The following C12orf54 variants were observed in gnomAD, a reference collection of about 807,000 sequenced individuals.
The protein encoded by C12orf54 is uncharacterized protein C12orf54.
Under a neutral mutation model 26.4 loss-of-function variants are expected in C12orf54, and 24 were observed. The ratio of observed to expected loss-of-function variants is 0.91; its 90% CI spans 0.66 to 1.28. The LOEUF is 1.28. Among genes scored for constraint, C12orf54 ranks in the 50% most tolerant of loss-of-function variants. C12orf54 has a pLI of 0.00. For missense variants in C12orf54, 154 were observed against 150.9 expected, an observed-to-expected ratio of 1.02 and a Z score of -0.11; for synonymous variants, 54 against 47.0, an observed-to-expected ratio of 1.15 and a Z score of -0.61.
At chr12:48,451,926 T>C in the C12orf54 span, among the ~76,000 whole-genome samples, 5 of 152,206 alleles carry the variant, frequency 3.3e-5, no homozygotes, top group Non-Finnish European at 7.3e-5. Flanking sequence ...AATTTATAGA[T>C]TCAATGCTAT....
chr12:48,457,287 G>GT, the C12orf54 span, among the ~76,000 whole-genome samples: 5 of 98,952 alleles, frequency 5.1e-5, no homozygotes, highest in African/African-American at 1.1e-4. Flanking sequence ...GTTGTTGTTG[G>GT]TGGTGGTGGT....
the C12orf54 span, among the ~76,000 whole-genome samples, chr12:48,445,720 C>A: frequency 6.6e-6 from 1 of 152,202 alleles, no homozygotes. Context: ...AACTACCCTG[C>A]AAAGTGGTGA....
chr12:48,454,088 T>C, the C12orf54 span, among the ~76,000 whole-genome samples: 2 of 116,142 alleles, frequency 1.7e-5, no homozygotes. Context: ...CTCTCTCTTT[T>C]TTTGTTTGTT....
At chr12:48,469,689 C>G in the C12orf54 span, among the ~76,000 whole-genome samples, 8 of 152,148 alleles carry the variant, frequency 5.3e-5, no homozygotes, top group Non-Finnish European at 1.0e-4. Context: ...ATGAAATCTT[C>G]ACAATTTATG....
the C12orf54 span, among the ~76,000 whole-genome samples, chr12:48,455,110 C>G: frequency 1.3e-5 from 2 of 152,170 alleles, no homozygotes; most frequent in African/African-American, 4.8e-5. Context: ...CCTCCAACCT[C>G]AAGTAGGCCC....
At chr12:48,487,003 GTGAT>G (rs1937662914) in intron 4 of C12orf54, among the ~76,000 whole-genome samples, 1 of 152,164 alleles carries the variant, frequency 6.6e-6, no homozygotes, top group African/African-American at 2.4e-5. Flanking sequence ...CCAATTCTCA[GTGAT>G]TGCTACAGAC....
chr12:48,441,187 A>G, the C12orf54 span, among the ~76,000 whole-genome samples: 1 of 152,266 alleles, frequency 6.6e-6, no homozygotes, highest in Non-Finnish European at 1.5e-5. Context: ...AACTCTTATT[A>G]TGATTCATGT....
the C12orf54 span, among the ~76,000 whole-genome samples, chr12:48,459,684 G>A: frequency 3.3e-5 from 5 of 152,180 alleles, no homozygotes; most frequent in African/African-American, 1.2e-4. Context: ...CGTAATTACA[G>A]TTGCAGTTTA....
the C12orf54 span, among the ~76,000 whole-genome samples, chr12:48,476,049 C>G: frequency 6.6e-6 from 1 of 151,912 alleles, no homozygotes; most frequent in Non-Finnish European, 1.5e-5. Flanking sequence ...GCTGATCTCT[C>G]GGCAGAAACT....
chr12:48,493,654 G>A (rs1184923327), intron 7 of C12orf54, among the ~76,000 whole-genome samples: 4 of 83,220 alleles, frequency 4.8e-5, no homozygotes, highest in South Asian at 6.2e-4. Context: ...AAAGGGATCC[G>A]GGACTTAGAA....
chr12:48,423,708 C>G, the C12orf54 span, among the ~76,000 whole-genome samples: 1 of 152,150 alleles, frequency 6.6e-6, no homozygotes, highest in African/African-American at 2.4e-5. Flanking sequence ...ATATCTTGTA[C>G]TTTGTACCTT....
the C12orf54 span, among the ~76,000 whole-genome samples, chr12:48,465,351 A>C: frequency 1.3e-5 from 2 of 152,220 alleles, no homozygotes; most frequent in Admixed American, 6.5e-5. Flanking sequence ...TGTGAATAAA[A>C]AGCACAATGA....
chr12:48,424,449 A>G, the C12orf54 span, among the ~76,000 whole-genome samples: 2 of 152,132 alleles, frequency 1.3e-5, no homozygotes, highest in African/African-American at 4.8e-5. Flanking sequence ...AATTCACCAC[A>G]AGGCCATCCG....
chr12:48,474,796 C>A, the C12orf54 span, among the ~76,000 whole-genome samples: 1 of 152,278 alleles, frequency 6.6e-6, no homozygotes, highest in African/African-American at 2.4e-5. Flanking sequence ...GGCCTGCCTG[C>A]CTCTGTAGGC....
the C12orf54 span, among the ~76,000 whole-genome samples, chr12:48,424,367 AT>A: frequency 6.6e-6 from 1 of 152,046 alleles, no homozygotes; most frequent in African/African-American, 2.4e-5. Flanking sequence ...ATTAGGAAAT[AT>A]TTATCTGCTT....
the C12orf54 span, among the ~76,000 whole-genome samples, chr12:48,451,658 T>A: frequency 0.2 from 29,994 of 152,130 alleles, 3,287 homozygotes; most frequent in South Asian, 0.3. Context: ...GGATACAAAG[T>A]TAATGTGCAA....
chr12:48,444,229 C>A, the C12orf54 span, among the ~76,000 whole-genome samples: 1 of 152,120 alleles, frequency 6.6e-6, no homozygotes, highest in Non-Finnish European at 1.5e-5. Context: ...AATTGTTTTT[C>A]TTTTACTCAC....
At chr12:48,435,472 A>G in the C12orf54 span, among the ~76,000 whole-genome samples, 1 of 152,214 alleles carries the variant, frequency 6.6e-6, no homozygotes, top group Non-Finnish European at 1.5e-5. Flanking sequence ...GATTCATCAA[A>G]GTGGAAATGA....
Position 48,486,671 on chromosome 12 carries a change from GT to G in C12orf54, c.97-15del. ...AGTTGGGATATTGTTTCCAACATTT[GT>G]TCCTTATTTCTACAGGAAAAACAGG... On this transcript the variant is annotated splice_polypyrimidine_tract_variant and intron_variant, in intron 3 of 8. Transcript: ENST00000548364. 6.2e-7 allele frequency: 1 copy of G among 1,608,306 alleles called. No individual in the cohort carries two copies. The highest frequency in any genetic ancestry group is 8.5e-7 in the Non-Finnish European group (1 of 1,174,874).
Sources: gnomAD v4.1 joint callset for allele counts (sites outside exome capture counted in the v4.1 genomes callset) on GRCh38, gnomAD v4.1.1 for gene constraint, MANE v1.5 for transcripts, NCBI Gene and HGNC (gene_info 2026-07-23, HGNC 2026-07-21) for gene names.